KANK1: variants seen among roughly 807,000 people sequenced by gnomAD.
The protein encoded by KANK1 is KN motif and ankyrin repeat domain-containing protein 1.
In KANK1, 109 loss-of-function variants were observed where a neutral mutation model predicts 106.2. The ratio of observed to expected loss-of-function variants is 1.03; its 90% CI spans 0.88 to 1.20. The LOEUF (loss-of-function observed/expected upper bound fraction) is 1.20. Ranked by LOEUF, KANK1 falls within the 50% of genes most tolerant of loss-of-function variation. The probability of loss-of-function intolerance (pLI) is 0.00; values close to 1 mark genes in which losing one functional copy is unlikely to be tolerated. For missense variants in KANK1, 2,399 were observed against 1,710.7 expected, an observed-to-expected ratio of 1.40 and a Z score of -7.10; for synonymous variants, 873 against 652.2, an observed-to-expected ratio of 1.34 and a Z score of -5.16.
At chr9:552,959 A>T (rs2134135932) in intron 1 of KANK1, among the ~76,000 whole-genome samples, 1 of 152,310 alleles carries the variant, frequency 6.6e-6, no homozygotes, top group South Asian at 2.1e-4. Context: ...AGCCTGGGCA[A>T]CATAGCGAGA....
At chr9:553,659 G>A (rs1425898573) in intron 1 of KANK1, among the ~76,000 whole-genome samples, 1 of 152,146 alleles carries the variant, frequency 6.6e-6, no homozygotes. Flanking sequence ...TAAGGATTTT[G>A]TTCCAGAGAT....
intron 1 of KANK1, among the ~76,000 whole-genome samples, chr9:533,963 A>G (rs1407280665): frequency 6.6e-6 from 1 of 152,174 alleles, no homozygotes; most frequent in Non-Finnish European, 1.5e-5. Context: ...CAGATTTCAC[A>G]TTTATGTTGA....
intron 2 of KANK1, among the ~76,000 whole-genome samples, chr9:692,342 CTTGGG>C: frequency 8.7e-5 from 1 of 11,442 alleles, no homozygotes; most frequent in East Asian, 1.5e-3. Flanking sequence ...CTTATTTGGG[CTTGGG>C]GCTTGGTTTA....
chr9:742,436 G>C (rs767769991), intron 10 of KANK1, 31 bp downstream of exon 10: 18 of 1,562,740 alleles, frequency 1.2e-5, no homozygotes, highest in Non-Finnish European at 1.6e-5. Flanking sequence ...CTCCTGGCCA[G>C]GGGTCTGGGG....
At chr9:510,070 C>T (rs1335534875) in intron 1 of KANK1, among the ~76,000 whole-genome samples, 1 of 151,888 alleles carries the variant, frequency 6.6e-6, no homozygotes, top group African/African-American at 2.4e-5. Flanking sequence ...CCTTGCCCTC[C>T]TAAAAGTGCT....
intron 2 of KANK1, among the ~76,000 whole-genome samples, chr9:686,580 GA>G (rs377272480): frequency 6.6e-6 from 1 of 151,302 alleles, no homozygotes; most frequent in African/African-American, 2.4e-5. Context: ...CAGCTTACAG[GA>G]AAAAAAAATT....
intron 1 of KANK1, among the ~76,000 whole-genome samples, chr9:553,475 T>C (rs2061397892): frequency 6.6e-6 from 1 of 152,174 alleles, no homozygotes; most frequent in African/African-American, 2.4e-5. Context: ...TGGAAAGTGA[T>C]CAAGCTGAGT....
chr9:738,281 G>C lies in KANK1; in HGVS notation c.3334-4G>C. 1 of 1,608,776 alleles carries C rather than the reference G, an allele frequency of 6.2e-7. No individual in the cohort carries two copies. The highest frequency in any genetic ancestry group is 1.1e-5 in the South Asian group (1 of 89,946). On this transcript the variant is annotated splice_region_variant and splice_polypyrimidine_tract_variant and intron_variant, in intron 7 of 11. Coordinates refer to ENST00000382297, the MANE Select transcript of KANK1 (RefSeq NM_015158.5). ...GAACTAACGACCACTTGGTGTTTTG[G>C]CAGAGGTTCTGTCTGAACACCCTCC...
chr9:601,481 A>T (rs1827729003), intron 1 of KANK1, among the ~76,000 whole-genome samples: 1 of 151,808 alleles, frequency 6.6e-6, no homozygotes, highest in Admixed American at 6.6e-5. Context: ...GGGCTGTCTG[A>T]TGTTTCCTAG....
chr9:621,808 C>G (rs566821599), intron 1 of KANK1, among the ~76,000 whole-genome samples: 16 of 152,186 alleles, frequency 1.1e-4, no homozygotes, highest in Middle Eastern at 3.4e-3. Flanking sequence ...CATTACCCAT[C>G]ATGGCATCTT....
chr9:533,840 A>T (rs1015086641), intron 1 of KANK1, among the ~76,000 whole-genome samples: 3 of 152,206 alleles, frequency 2.0e-5, no homozygotes, highest in African/African-American at 7.2e-5. Flanking sequence ...TAAGTTCATT[A>T]TGTAGTTGCC....
At chr9:615,791 T>A (rs1831671430) in intron 1 of KANK1, among the ~76,000 whole-genome samples, 2 of 152,150 alleles carry the variant, frequency 1.3e-5, no homozygotes, top group African/African-American at 4.8e-5. Context: ...GTAGAGGAGA[T>A]CCCAAGTGAT....
At chr9:674,410 A>T (rs1815957907) in intron 1 of KANK1, 1 of 151,476 alleles carries the variant, frequency 6.6e-6, no homozygotes, top group African/African-American at 2.4e-5. Flanking sequence ...AGAGAGAGAG[A>T]AAAAAGGGTC....
At chr9:523,301 A>G (rs954111519) in intron 1 of KANK1, among the ~76,000 whole-genome samples, 1 of 151,420 alleles carries the variant, frequency 6.6e-6, no homozygotes, top group African/African-American at 2.4e-5. Flanking sequence ...TCACTCCCCT[A>G]TCTCATACAC....
In KANK1 at chr9:514,232, C is replaced by G. The variant is rs1158067217; in HGVS notation, c.-84+9478C>G. Among the ~76,000 whole-genome samples the G allele has an allele frequency of 1.7e-3, 174 of 102,192 alleles. 14 individuals are homozygous for G. The highest frequency in any genetic ancestry group is 3.4e-4 in the Non-Finnish European group (19 of 56,232). 67.0% of individuals were successfully genotyped at this position (102,192 alleles called of 152,430 possible). ...TCTCCCTCCCTCCCTTCCTCCCTCC[C>G]TCCCTCCCTTCCTTCCTTCCTCCCT... On this transcript the variant is annotated intron_variant, in intron 1 of 11. Transcript: ENST00000382297.
At chr9:739,129 C>A (rs1055230807) in intron 8 of KANK1, among the ~76,000 whole-genome samples, 1 of 152,178 alleles carries the variant, frequency 6.6e-6, no homozygotes, top group East Asian at 1.9e-4. Context: ...CAGTGGACAT[C>A]TTAGACATGA....
intron 1 of KANK1, among the ~76,000 whole-genome samples, chr9:539,066 C>T (rs112701966): frequency 1.3e-5 from 2 of 151,948 alleles, no homozygotes; most frequent in Admixed American, 6.6e-5. Context: ...TTTTTGGTAG[C>T]GACGGGATTT....
intron 3 of KANK1, among the ~76,000 whole-genome samples, chr9:729,492 C>A (rs762215938): frequency 1.3e-5 from 2 of 152,212 alleles, no homozygotes; most frequent in Non-Finnish European, 2.9e-5. Flanking sequence ...AAACAAGAGA[C>A]CCGCATCTCT....
intron 1 of KANK1, among the ~76,000 whole-genome samples, chr9:610,587 G>A (rs994849821): frequency 2.6e-5 from 4 of 152,186 alleles, no homozygotes; most frequent in Admixed American, 1.3e-4. Context: ...AATGTTAAAT[G>A]ATGTCCATGC....
Sources: allele counts gnomAD v4.1 joint callset (sites outside exome capture counted in the v4.1 genomes callset), GRCh38; gene constraint gnomAD v4.1.1; transcripts MANE v1.5; gene names NCBI Gene and HGNC (gene_info 2026-07-23, HGNC 2026-07-21).